PTPRO: variants seen among roughly 807,000 people sequenced by gnomAD.
PTPRO encodes receptor-type tyrosine-protein phosphatase O.
In PTPRO, 62 loss-of-function variants were observed where a neutral mutation model predicts 145.2. The observed-to-expected ratio is 0.43, with a 90% CI of 0.35 to 0.53. PTPRO has a LOEUF of 0.53. PTPRO is among the 20% of genes least tolerant of loss of function. The pLI, the probability that PTPRO is intolerant of heterozygous loss-of-function variation, is 0.01. For synonymous variants in PTPRO, 565 were observed against 514.7 expected, an observed-to-expected ratio of 1.10 and a Z score of -1.32; for missense variants, 1,345 against 1,482.7, an observed-to-expected ratio of 0.91 and a Z score of 1.53.
At chr12:15,569,170 C>T (rs1358560020) in intron 18 of PTPRO, among the ~76,000 whole-genome samples, 1 of 151,714 alleles carries the variant, frequency 6.6e-6, no homozygotes, top group Non-Finnish European at 1.5e-5. Flanking sequence ...TGTACTGCTA[C>T]AGTAAGAGCC....
chr12:15,410,895 G>A (rs1190093266), intron 1 of PTPRO: 1 of 152,126 alleles, frequency 6.6e-6, no homozygotes, highest in Non-Finnish European at 1.5e-5. Context: ...GAAATTATAT[G>A]TCCCTGACCT....
intron 1 of PTPRO, among the ~76,000 whole-genome samples, chr12:15,408,853 A>C (rs1565612540): frequency 6.6e-6 from 1 of 152,162 alleles, no homozygotes. Flanking sequence ...GGTATCTTTA[A>C]CCGTAAAATG....
In PTPRO at chr12:15,499,878, T is replaced by C. The variant is rs4764198; in HGVS notation, c.661+284T>C. Among the ~76,000 whole-genome samples, 35,097 of 152,086 alleles carry C rather than the reference T, an allele frequency of 0.23. 4,477 individuals are homozygous for C. The highest frequency in any genetic ancestry group is 0.33 in the Admixed American group (4,973 of 15,268). On this transcript the variant is annotated intron_variant, in intron 4 of 26. Transcript: ENST00000281171. ...AATTAACTGACTTACCCAGATCTAG[T>C]AGACATCAGTTATTGCTGACAAGTG...
intron 1 of PTPRO, among the ~76,000 whole-genome samples, chr12:15,434,327 A>G (rs1185016697): frequency 2.0e-5 from 3 of 152,214 alleles, no homozygotes; most frequent in Non-Finnish European, 2.9e-5. Flanking sequence ...TCTATTCAAC[A>G]CTTTGGTTTT....
At chr12:15,585,815 G>A (rs2135662315) in intron 23 of PTPRO, among the ~76,000 whole-genome samples, 1 of 152,244 alleles carries the variant, frequency 6.6e-6, no homozygotes, top group East Asian at 1.9e-4. Context: ...ATAACAAGTG[G>A]AGAATATGTA....
intron 7 of PTPRO, among the ~76,000 whole-genome samples, chr12:15,512,125 G>T (rs1198146922): frequency 2.0e-5 from 3 of 151,680 alleles, no homozygotes; most frequent in Non-Finnish European, 2.9e-5. Context: ...GTTTTTGGGG[G>T]GGTTATTGAG....
rs141722023 is a variant in PTPRO at position 15,328,812 on chromosome 12, T to G, written c.75+6011T>G. ...AGGAATGCTGCACAGTTCATTTTTCTAACAAAACTATTTCTATCTTAATGA... is the reference window on the plus strand; with the variant it reads ...AGGAATGCTGCACAGTTCATTTTTCGAACAAAACTATTTCTATCTTAATGA... On this transcript the variant is annotated intron_variant, in intron 1 of 26. Coordinates refer to ENST00000281171, the MANE Select transcript of PTPRO (RefSeq NM_030667.3). Among the ~76,000 whole-genome samples the G allele has an allele frequency of 1.5e-3, 222 of 152,332 alleles. 2 individuals are homozygous for G. The highest frequency in any genetic ancestry group is 5.2e-3 in the African/African-American group (216 of 41,574).
intron 1 of PTPRO, among the ~76,000 whole-genome samples, chr12:15,425,102 G>C (rs1940248815): frequency 6.6e-6 from 1 of 152,094 alleles, no homozygotes; most frequent in Non-Finnish European, 1.5e-5. Context: ...ATTTTGACTT[G>C]TAGAAGCTCT....
At position 15,464,174 on chromosome 12, in the gene PTPRO, T is replaced by G. The variant is rs1047362283; in HGVS notation, c.76-19800T>G. Among the ~76,000 whole-genome samples, 4 of 152,216 alleles carry G rather than the reference T, an allele frequency of 2.6e-5. No individual in the cohort carries two copies. In the East Asian group the frequency reaches 7.7e-4, roughly 29 times the overall value. On this transcript the variant is annotated intron_variant, in intron 1 of 26. Transcript: ENST00000281171. ...AGCAGAAGAGAGAAGGGGAATCTTA[T>G]GCAGGGAGGAGGAAATAGAAATAAA... is the stretch of plus-strand genomic sequence containing the variant.
intron 18 of PTPRO, among the ~76,000 whole-genome samples, chr12:15,567,115 T>A (rs960374814): frequency 3.3e-5 from 5 of 152,070 alleles, no homozygotes; most frequent in African/African-American, 1.2e-4. Flanking sequence ...AGACAAAAGA[T>A]AGGGTAGAGA....
At chr12:15,331,964 T>TTC (rs1015292418) in intron 1 of PTPRO, among the ~76,000 whole-genome samples, 8 of 133,524 alleles carry the variant, frequency 6.0e-5, no homozygotes, top group African/African-American at 2.4e-4. Flanking sequence ...CTTTCTTTCT[T>TTC]TTTTTTTTTT....
intron 17 of PTPRO, among the ~76,000 whole-genome samples, chr12:15,563,981 G>A (rs550907622): frequency 6.6e-5 from 10 of 152,210 alleles, no homozygotes; most frequent in South Asian, 2.1e-4. Flanking sequence ...TTACCATCAC[G>A]GGGCTGAATA....
In PTPRO at chr12:15,549,131, C is replaced by G. The variant is rs1470931235; in HGVS notation, c.2342C>G (p.Ser781Cys). 2 of 1,613,664 alleles carry G rather than the reference C, an allele frequency of 1.2e-6. No homozygotes were observed. The highest frequency in any genetic ancestry group is 1.7e-6 in the Non-Finnish European group (2 of 1,179,704). Residue 781 changes from serine to cysteine, a missense_variant, in exon 14 of 27, where the codon TCC becomes TGC. This residue lies in a region of PTPRO where 1,130 missense variants were observed against 1,214.7 expected (regional missense o/e 0.93). Coordinates refer to ENST00000281171, the MANE Select transcript of PTPRO (RefSeq NM_030667.3). ...VAVSSHVVTI[S>C]SLLPATAYNC... is the part of the protein sequence containing the mutation. ...GTTTCTTCCCATGTCGTGACCATCT[C>G]CAGCCTTCTTCCTGCCACTGCCTAC...
chr12:15,527,881 C>CCACCACCCCCCCGCT (rs1942875708), intron 12 of PTPRO, among the ~76,000 whole-genome samples: 1 of 151,252 alleles, frequency 6.6e-6, no homozygotes, highest in South Asian at 2.1e-4. Context: ...TGTGACCCGC[C>CCACCACCCCCCCGCT]CACGCTACCC....
At chr12:15,324,787 T>A (rs551423210) in intron 1 of PTPRO, among the ~76,000 whole-genome samples, 1 of 152,186 alleles carries the variant, frequency 6.6e-6, no homozygotes, top group Admixed American at 6.5e-5. Context: ...TTTCATTTAA[T>A]CCTATTTTGC....
At chr12:15,533,116 A>G (rs576536126) in intron 12 of PTPRO, among the ~76,000 whole-genome samples, 6 of 152,322 alleles carry the variant, frequency 3.9e-5, no homozygotes, top group Admixed American at 2.6e-4. Flanking sequence ...AGTTAAAACC[A>G]TGATAGTTTC....
At chr12:15,574,774 T>A (rs1184969186) in intron 19 of PTPRO, among the ~76,000 whole-genome samples, 1 of 152,244 alleles carries the variant, frequency 6.6e-6, no homozygotes, top group Non-Finnish European at 1.5e-5. Flanking sequence ...GTTGGATTTT[T>A]TGTAATCATG....
chr12:15,581,841 G>A (rs1332565208), intron 23 of PTPRO, 40 bp downstream of exon 23: 1 of 1,612,520 alleles, frequency 6.2e-7, no homozygotes, highest in East Asian at 2.2e-5. Flanking sequence ...TCCCTATGCT[G>A]ACACCTGCTG....
chr12:15,546,377 G>C, intron 12 of PTPRO, 192 bp from the exon 13 acceptor site: 1 of 1,422,086 alleles, frequency 7.0e-7, no homozygotes, highest in Non-Finnish European at 9.1e-7. Flanking sequence ...AGGGGGAAAA[G>C]GCAAAGTATT....
Sources: allele counts gnomAD v4.1 joint callset (sites outside exome capture counted in the v4.1 genomes callset), GRCh38; gene constraint gnomAD v4.1.1; regional missense constraint gnomAD v4.1.1; transcripts MANE v1.5; gene names NCBI Gene and HGNC (gene_info 2026-07-23, HGNC 2026-07-21).